GNA14: variants seen among roughly 807,000 people sequenced by gnomAD.
GNA14 encodes the protein guanine nucleotide-binding protein subunit alpha-14.
A neutral mutation model predicts 42.0 loss-of-function variants in GNA14; 50 were observed. The observed-to-expected ratio is 1.19, with a 90% CI of 0.95 to 1.51. GNA14 has a LOEUF of 1.51. GNA14 is among the 40% of genes most tolerant of loss of function. The probability of loss-of-function intolerance (pLI) is 0.00; values close to 1 mark genes in which losing one functional copy is unlikely to be tolerated. For synonymous variants in GNA14, 173 were observed against 163.1 expected (o/e 1.06, Z -0.46); for missense variants, 473 against 446.2 (o/e 1.06, Z -0.54).
At chr9:77,506,657 C>T (rs1837076184) in intron 2 of GNA14, among the ~76,000 whole-genome samples, 2 of 151,982 alleles carry the variant, frequency 1.3e-5, no homozygotes, top group South Asian at 2.1e-4. Context: ...ACCCTGTCAA[C>T]AGAGCGAGAC....
At chr9:77,431,662 C>T in intron 3 of GNA14, 1 of 462,976 alleles carries the variant, frequency 2.2e-6, no homozygotes, top group Non-Finnish European at 3.9e-6. Context: ...CTTCCATGCG[C>T]CTTCTGGGAC....
At chr9:77,482,027 T>C (rs934612213) in intron 2 of GNA14, among the ~76,000 whole-genome samples, 1 of 152,230 alleles carries the variant, frequency 6.6e-6, no homozygotes, top group African/African-American at 2.4e-5. Flanking sequence ...TGTCTTTTAA[T>C]TGGAGCATTT....
intron 2 of GNA14, among the ~76,000 whole-genome samples, chr9:77,520,618 T>C (rs902539736): frequency 3.3e-5 from 5 of 152,152 alleles, no homozygotes; most frequent in African/African-American, 1.2e-4. Flanking sequence ...CAGGCTGGAG[T>C]GCAATGGCAA....
chr9:77,607,533 G>A (rs1398600707), intron 1 of GNA14, among the ~76,000 whole-genome samples: 2 of 152,082 alleles, frequency 1.3e-5, no homozygotes, highest in African/African-American at 2.4e-5. Context: ...CTTGAACATC[G>A]GTGCAATAAA....
intron 1 of GNA14, among the ~76,000 whole-genome samples, chr9:77,613,205 T>C (rs1296202447): frequency 6.6e-6 from 1 of 152,172 alleles, no homozygotes; most frequent in African/African-American, 2.4e-5. Flanking sequence ...CCAAATACTA[T>C]CACATTGAGA....
chr9:77,605,295 G>T (rs1329300479), intron 1 of GNA14, among the ~76,000 whole-genome samples: 1 of 152,198 alleles, frequency 6.6e-6, no homozygotes, highest in African/African-American at 2.4e-5. Flanking sequence ...GCAAACATGG[G>T]CTCTTTACTT....
intron 2 of GNA14, among the ~76,000 whole-genome samples, chr9:77,448,162 C>G (rs1175803845): frequency 1.3e-5 from 2 of 152,200 alleles, no homozygotes; most frequent in African/African-American, 4.8e-5. Context: ...ACAGCAGCAT[C>G]AAGCTGTTGA....
At chr9:77,581,618 C>T (rs566229119) in intron 1 of GNA14, among the ~76,000 whole-genome samples, 7 of 152,138 alleles carry the variant, frequency 4.6e-5, no homozygotes, top group East Asian at 1.9e-4. Flanking sequence ...GACTCTGGTT[C>T]GGACATTGGT....
At chr9:77,582,734 G>T (rs1336737696) in intron 1 of GNA14, among the ~76,000 whole-genome samples, 4 of 152,112 alleles carry the variant, frequency 2.6e-5, no homozygotes, top group African/African-American at 9.7e-5. Flanking sequence ...CTGATAGCAG[G>T]CAATCACAGA....
intron 1 of GNA14, among the ~76,000 whole-genome samples, chr9:77,580,904 C>T (rs924549701): frequency 1.3e-5 from 2 of 151,976 alleles, no homozygotes; most frequent in Non-Finnish European, 2.9e-5. Context: ...AATCTACTGA[C>T]GAGTTGCTCT....
chr9:77,542,231 T>C (rs971399125), intron 1 of GNA14, among the ~76,000 whole-genome samples: 1 of 152,204 alleles, frequency 6.6e-6, no homozygotes, highest in African/African-American at 2.4e-5. Flanking sequence ...TGACGAGATA[T>C]ATATATATGG....
chr9:77,439,110 G>A (rs1835685851), intron 2 of GNA14, among the ~76,000 whole-genome samples: 1 of 152,112 alleles, frequency 6.6e-6, no homozygotes, highest in African/African-American at 2.4e-5. Context: ...TTGTCCCTCT[G>A]AATGAGAATG....
At chr9:77,449,821 A>G (rs1835875362) in intron 2 of GNA14, among the ~76,000 whole-genome samples, 1 of 152,218 alleles carries the variant, frequency 6.6e-6, no homozygotes, top group South Asian at 2.1e-4. Context: ...TTAGGAAATA[A>G]AGTTCTTTGA....
chr9:77,430,567 C>T (rs1290818363), intron 4 of GNA14, among the ~76,000 whole-genome samples: 1 of 152,136 alleles, frequency 6.6e-6, no homozygotes. Context: ...TTCCCAAACA[C>T]AGCAATTCTG....
intron 2 of GNA14, among the ~76,000 whole-genome samples, chr9:77,439,682 C>G (rs1256250356): frequency 6.6e-6 from 1 of 152,156 alleles, no homozygotes; most frequent in Non-Finnish European, 1.5e-5. Flanking sequence ...GAGTTTTGTG[C>G]ATAGTTCTCT....
At position 77,616,955 on chromosome 9, in the gene GNA14, C is replaced by T. The variant is rs1051693187; in HGVS notation, c.124+30715G>A. ...CACGATCTTGGCTCACTGCAAGCTC[C>T]GCCTCCCGGGTTCACGCCATTCTCC... is the stretch of plus-strand genomic sequence containing the variant. On this transcript the variant is annotated intron_variant, in intron 1 of 6. Coordinates refer to ENST00000341700, the MANE Select transcript of GNA14 (RefSeq NM_004297.4). 3.1e-4 allele frequency among the ~76,000 whole-genome samples: 47 copies of T among 152,194 alleles called. 1 individual carries two copies. The highest frequency in any genetic ancestry group is 2.4e-3 in the Admixed American group (36 of 15,274).
At chr9:77,445,534 G>A (rs1019389469) in intron 2 of GNA14, among the ~76,000 whole-genome samples, 2 of 138,866 alleles carry the variant, frequency 1.4e-5, no homozygotes, top group African/African-American at 5.4e-5. Context: ...GCCGCAAAGT[G>A]AGACCTGTCT....
At position 77,639,620 on chromosome 9, in the gene GNA14, T is replaced by TAGC. The variant is rs991760164; in HGVS notation, c.124+8047_124+8049dup. Among the ~76,000 whole-genome samples, 102 of 152,256 alleles carry TAGC rather than the reference T, an allele frequency of 6.7e-4. 2 individuals are homozygous for TAGC. In the East Asian group the frequency reaches 0.012, roughly 17 times the overall value. On this transcript the variant is annotated intron_variant, in intron 1 of 6. Transcript: ENST00000341700. ...CAGCTCTGCTGTGAATATAAGTGTC[T>TAGC]AGCAGCAGCAGCAGCAGCGACTGGC...
At chr9:77,477,837 C>T (rs1002275650) in intron 2 of GNA14, among the ~76,000 whole-genome samples, 1 of 151,942 alleles carries the variant, frequency 6.6e-6, no homozygotes, top group Non-Finnish European at 1.5e-5. Flanking sequence ...ACAAAGAGAA[C>T]ATTTTAAAAG....
Sources: gnomAD v4.1 joint callset for allele counts (sites outside exome capture counted in the v4.1 genomes callset) on GRCh38, gnomAD v4.1.1 for gene constraint, MANE v1.5 for transcripts, NCBI Gene and HGNC (gene_info 2026-07-23, HGNC 2026-07-21) for gene names.